EYS: variants seen among roughly 807,000 people sequenced by gnomAD.
EYS encodes EGF-like photoreceptor maintenance factor.
Under a neutral mutation model 282.1 loss-of-function variants are expected in EYS, and 250 were observed. The observed-to-expected ratio is 0.89, with a 90% CI of 0.80 to 0.98. The LOEUF (loss-of-function observed/expected upper bound fraction) is 0.98, where lower values mean the gene tolerates loss of function less well. Ranked by LOEUF, EYS falls within the 50% of genes least tolerant of loss-of-function variation. The pLI is 0.00. For missense variants in EYS, 4,016 were observed against 3,709.0 expected (o/e 1.08, Z -2.15); for synonymous variants, 1,355 against 1,282.9 (o/e 1.06, Z -1.20).
chr6:64,750,761 T>C (rs538011715), intron 22 of EYS, among the ~76,000 whole-genome samples: 6 of 152,234 alleles, frequency 3.9e-5, no homozygotes, highest in Admixed American at 3.3e-4. Flanking sequence ...TGTGAGAGTA[T>C]ATAGAAGGTA....
chr6:64,219,486 T>C (rs1028027444), intron 31 of EYS, among the ~76,000 whole-genome samples: 2 of 152,188 alleles, frequency 1.3e-5, no homozygotes, highest in African/African-American at 2.4e-5. Context: ...ATTATTTTTG[T>C]TTTTGTTTGT....
intron 31 of EYS, among the ~76,000 whole-genome samples, chr6:64,083,000 T>G (rs941374398): frequency 5.3e-5 from 8 of 151,700 alleles, no homozygotes; most frequent in African/African-American, 1.5e-4. Flanking sequence ...CCTCAAACTC[T>G]CAGGCTCAGG....
At position 65,221,460 on chromosome 6, in the gene EYS, C is replaced by T. The variant is rs551793794; in HGVS notation, c.2023+74403G>A. Among the ~76,000 whole-genome samples, 487 of 152,302 alleles carry T rather than the reference C, an allele frequency of 3.2e-3. 2 individuals carry two copies. The highest frequency in any genetic ancestry group is 5.4e-3 in the Non-Finnish European group (370 of 68,020). Reference sequence around the variant, plus strand: ...AGGCCATTGCTTCAGAGGGTGCAAGCTGCAAGCCTTAGAGGCTTACACATG... The same window carrying T: ...AGGCCATTGCTTCAGAGGGTGCAAGTTGCAAGCCTTAGAGGCTTACACATG... On this transcript the variant is annotated intron_variant, in intron 12 of 42. Transcript: ENST00000503581.
intron 26 of EYS, among the ~76,000 whole-genome samples, chr6:64,557,211 CACACAT>C (rs1272246655): frequency 9.3e-5 from 5 of 53,724 alleles, no homozygotes; most frequent in African/African-American, 1.8e-4. Context: ...GATACACACA[CACACAT>C]ACACACACAC....
At chr6:65,204,399 C>T (rs972351554) in intron 12 of EYS, among the ~76,000 whole-genome samples, 6 of 146,194 alleles carry the variant, frequency 4.1e-5, no homozygotes, top group African/African-American at 1.6e-4. Flanking sequence ...CTATTTTTAG[C>T]CTCCTTAAAA....
At chr6:65,501,309 A>G (rs1032921146) in intron 2 of EYS, among the ~76,000 whole-genome samples, 10 of 151,886 alleles carry the variant, frequency 6.6e-5, no homozygotes, top group Non-Finnish European at 1.2e-4. Flanking sequence ...TGGTATTGTT[A>G]GTTATTTCTC....
At chr6:64,497,461 A>T (rs895456839) in intron 26 of EYS, among the ~76,000 whole-genome samples, 23 of 152,176 alleles carry the variant, frequency 1.5e-4, no homozygotes, top group Non-Finnish European at 2.9e-4. Flanking sequence ...ATGAGCCCAG[A>T]AGCAGATGGG....
intron 31 of EYS, among the ~76,000 whole-genome samples, chr6:64,229,496 C>A (rs1766353279): frequency 6.6e-6 from 1 of 152,242 alleles, no homozygotes. Context: ...ACATGAAATA[C>A]TTTTCTCAAA....
chr6:63,741,044 G>A lies in EYS; in HGVS notation c.8072-14364C>T, dbSNP rs574037850. 3.3e-5 allele frequency among the ~76,000 whole-genome samples: 5 copies of A among 152,252 alleles called. No homozygotes were observed. In the East Asian group the frequency reaches 5.8e-4, roughly 18 times the overall value. On this transcript the variant is annotated intron_variant, in intron 41 of 42. Coordinates refer to ENST00000503581, the MANE Select transcript of EYS (RefSeq NM_001142800.2). ...CATATAGGTTAATTAAGAATAAAACGCCACAACTGCTCTTCTTGGATAACT... is the reference window on the plus strand; with the variant it reads ...CATATAGGTTAATTAAGAATAAAACACCACAACTGCTCTTCTTGGATAACT...
chr6:65,315,016 T>A lies in EYS; in HGVS notation c.1767-18897A>T, dbSNP rs537779915. The stretch of plus-strand genomic sequence containing the variant: ...GAATTTGCTGAGACCACCCACTGAA[T>A]ACCCGTTCAAATGAATGGAATCTCA... On this transcript the variant is annotated intron_variant, in intron 11 of 42. Coordinates refer to ENST00000503581, the MANE Select transcript of EYS (RefSeq NM_001142800.2). Among the ~76,000 whole-genome samples the A allele has an allele frequency of 3.9e-5, 6 of 152,178 alleles. No individual in the cohort carries two copies. The East Asian group carries it at 9.7e-4, about 25-fold the overall frequency.
At chr6:64,409,697 C>T (rs114573331) in intron 28 of EYS, among the ~76,000 whole-genome samples, 1 of 152,040 alleles carries the variant, frequency 6.6e-6, no homozygotes, top group Admixed American at 6.6e-5. Context: ...AAGTAGAAAG[C>T]AAAATGAAAC....
At chr6:64,217,597 A>G (rs1765973421) in intron 31 of EYS, among the ~76,000 whole-genome samples, 1 of 152,130 alleles carries the variant, frequency 6.6e-6, no homozygotes, top group Non-Finnish European at 1.5e-5. Flanking sequence ...ATTCATTTAC[A>G]TCTTGATAAT....
chr6:65,174,925 A>AT (rs1765190997), intron 12 of EYS, among the ~76,000 whole-genome samples: 2 of 151,200 alleles, frequency 1.3e-5, no homozygotes, highest in African/African-American at 2.4e-5. Flanking sequence ...TATGACATCT[A>AT]TTTTTTTCTT....
At chr6:64,237,313 C>T (rs1238741352) in intron 30 of EYS, among the ~76,000 whole-genome samples, 1 of 152,158 alleles carries the variant, frequency 6.6e-6, no homozygotes, top group Non-Finnish European at 1.5e-5. Context: ...CTGAGTAAAA[C>T]CCCTTTTGCA....
At chr6:65,317,890 CAG>C (rs746522356) in intron 11 of EYS, among the ~76,000 whole-genome samples, 2 of 134,494 alleles carry the variant, frequency 1.5e-5, no homozygotes, top group East Asian at 2.1e-4. Flanking sequence ...TTCTTTCAGA[CAG>C]AGTCTCCCTC....
intron 2 of EYS, among the ~76,000 whole-genome samples, chr6:65,504,228 T>C (rs1178693909): frequency 2.0e-5 from 3 of 151,742 alleles, no homozygotes; most frequent in Non-Finnish European, 4.4e-5. Flanking sequence ...GTATTATTTT[T>C]CCTTTAAATA....
intron 35 of EYS, among the ~76,000 whole-genome samples, chr6:63,920,833 C>G (rs762433446): frequency 1.4e-4 from 21 of 152,024 alleles, no homozygotes; most frequent in Non-Finnish European, 3.1e-4. Context: ...TGGAGAAACT[C>G]TTTGTGACCT....
intron 26 of EYS, among the ~76,000 whole-genome samples, chr6:64,477,155 C>A (rs949204080): frequency 6.6e-6 from 1 of 152,102 alleles, no homozygotes; most frequent in African/African-American, 2.4e-5. Context: ...TTCTACACGT[C>A]GTTTCTCTTC....
intron 22 of EYS, among the ~76,000 whole-genome samples, chr6:64,690,817 T>TG (rs1339012121): frequency 6.7e-6 from 1 of 149,184 alleles, no homozygotes; most frequent in East Asian, 2.0e-4. Context: ...CATCACACAC[T>TG]GGGGCCTGTC....
Sources: gnomAD v4.1 joint callset for allele counts (sites outside exome capture counted in the v4.1 genomes callset) on GRCh38, gnomAD v4.1.1 for gene constraint, MANE v1.5 for transcripts, NCBI Gene and HGNC (gene_info 2026-07-23, HGNC 2026-07-21) for gene names.